E2F3: variants seen among roughly 807,000 people sequenced by gnomAD.
E2F3 encodes transcription factor E2F3.
E2F3 carries 11 observed loss-of-function variants against 44.4 expected under a neutral mutation model. That is an observed-to-expected ratio of 0.25 (90% CI 0.16 to 0.41). The LOEUF is 0.41. Among genes scored for constraint, E2F3 ranks in the 10% least tolerant of loss-of-function variants. The pLI, the probability that E2F3 is intolerant of heterozygous loss-of-function variation, is 1.00. For synonymous variants in E2F3, 249 were observed against 253.0 expected (o/e 0.98, Z 0.15); for missense variants, 487 against 583.6 (o/e 0.83, Z 1.70).
Position 20,402,323 on chromosome 6 carries a change from G to A in E2F3, c.91G>A (p.Ala31Thr), listed in dbSNP as rs778801553. 1.2e-6 allele frequency: 2 copies of A among 1,610,472 alleles called. No individual in the cohort carries two copies. The highest frequency in any genetic ancestry group is 1.1e-5 in the South Asian group (1 of 90,944). ...GGCTGTCGTCGCCGCCGCCGCTGCA[G>A]CCTCCATGGACAAAAGGGCACTGCT... ...GAAVVAAAAA[A>T]SMDKRALLAS... The change falls in exon 1 of 7, where the codon GCC becomes ACC. Residue 31 changes from alanine to threonine, a missense_variant. Physicochemically the swap from Ala to Thr is moderately conservative, Grantham distance 58. Coordinates refer to ENST00000346618, the MANE Select transcript of E2F3 (RefSeq NM_001949.5). The surrounding 1 kb of genome is among the most constrained non-coding windows in gnomAD (Gnocchi z 5.6).
intron 2 of E2F3, 68 bp from the exon 3 acceptor site, chr6:20,481,138 A>G (rs1348963681): frequency 6.8e-7 from 1 of 1,463,488 alleles, no homozygotes; most frequent in Admixed American, 1.8e-5. Context: ...GCTTGACTGC[A>G]AAGACACCCT....
chr6:20,493,440 G>C lies in E2F3; in HGVS notation c.*3010G>C, dbSNP rs568666935. 1 of 227,276 alleles carries C rather than the reference G, an allele frequency of 4.4e-6. No homozygotes were observed. The highest frequency in any genetic ancestry group is 1.8e-4 in the South Asian group (1 of 5,482). The allele number at this position is 227,276 out of a possible 1,614,324, so 14.1% of individuals were successfully genotyped here. A position where few individuals can be genotyped will look rare whatever the true frequency, so the allele number is the denominator to read the frequency against. ...AGGGTGTGGGAATTTCTTTTCCTAC[G>C]GGGTACGTGATTTTGTAAAAAGGAA... On this transcript the variant is annotated 3_prime_UTR_variant, in exon 7 of 7. Transcript: ENST00000346618.
intron 5 of E2F3, 149 bp from the exon 6 acceptor site, chr6:20,487,964 G>A: frequency 9.2e-7 from 1 of 1,090,726 alleles, no homozygotes; most frequent in South Asian, 1.5e-5. Flanking sequence ...TGCTCTAGAG[G>A]ATGACAGTCT....
chr6:20,459,133 G>A (rs1234796107), intron 1 of E2F3, among the ~76,000 whole-genome samples: 5 of 152,180 alleles, frequency 3.3e-5, no homozygotes, highest in African/African-American at 9.6e-5. Context: ...TTAGCCTAGC[G>A]TGGTGGCCGA....
rs1016205854 is a variant in E2F3 at position 20,490,073 on chromosome 6, A to G, written c.1136-95A>G. On this transcript the variant is annotated intron_variant, in intron 6 of 6. Transcript: ENST00000346618. This position sits in a 1 kb window ranked among gnomAD's most constrained non-coding sequence, Gnocchi z 4.3. ...CATTGTCATTATTTGCGGAAGGTAC[A>G]TGCTTTTTTCTAACAGCAACATATA... 4 of 1,348,038 alleles carry G rather than the reference A, an allele frequency of 3.0e-6. No homozygotes were observed. The highest frequency in any genetic ancestry group is 2.4e-5 in the Admixed American group (1 of 41,988). The allele number at this position is 1,348,038 out of a possible 1,614,324, so 83.5% of individuals were successfully genotyped here.
intron 1 of E2F3, among the ~76,000 whole-genome samples, chr6:20,431,504 T>G (rs1760399057): frequency 6.6e-6 from 1 of 152,112 alleles, no homozygotes; most frequent in Non-Finnish European, 1.5e-5. Flanking sequence ...TTGCAACCTG[T>G]GAGTCGGAGG....
At chr6:20,409,079 G>A (rs987106231) in intron 1 of E2F3, among the ~76,000 whole-genome samples, 3 of 152,178 alleles carry the variant, frequency 2.0e-5, no homozygotes, top group East Asian at 1.9e-4. Context: ...AAACCGAAAC[G>A]GGAGACTCTT....
At chr6:20,409,390 G>A (rs1437558248) in intron 1 of E2F3, among the ~76,000 whole-genome samples, 4 of 152,148 alleles carry the variant, frequency 2.6e-5, no homozygotes, top group Non-Finnish European at 4.4e-5. Flanking sequence ...TTTGATATTC[G>A]CAAATTTGTC....
At chr6:20,476,024 G>C (rs1322424915) in intron 1 of E2F3, among the ~76,000 whole-genome samples, 1 of 152,122 alleles carries the variant, frequency 6.6e-6, no homozygotes, top group Non-Finnish European at 1.5e-5. Context: ...TCTTGACTCA[G>C]CCAGTTCCAT....
intron 3 of E2F3, among the ~76,000 whole-genome samples, chr6:20,481,707 G>A (rs1405594618): frequency 6.6e-6 from 1 of 152,130 alleles, no homozygotes; most frequent in Non-Finnish European, 1.5e-5. Context: ...TTGGAAAGTG[G>A]ACTGCTGTTC....
At chr6:20,481,511 G>A (rs575713354) in intron 3 of E2F3, 86 bp downstream of exon 3, 36 of 1,159,510 alleles carry the variant, frequency 3.1e-5, no homozygotes, top group East Asian at 4.7e-5. Context: ...TCACATCCAC[G>A]CCCACACGTT....
chr6:20,453,186 G>A (rs962135222), intron 1 of E2F3, among the ~76,000 whole-genome samples: 1 of 151,810 alleles, frequency 6.6e-6, no homozygotes, highest in African/African-American at 2.4e-5. Context: ...TAGTATTTGT[G>A]GGGTTTTTTT....
At chr6:20,453,661 C>T (rs1209711474) in intron 1 of E2F3, among the ~76,000 whole-genome samples, 1 of 152,130 alleles carries the variant, frequency 6.6e-6, no homozygotes, top group African/African-American at 2.4e-5. Context: ...ATCCTACCTC[C>T]GCCTCCCAAA....
intron 1 of E2F3, among the ~76,000 whole-genome samples, chr6:20,403,207 G>A (rs1475090085): frequency 1.3e-5 from 2 of 152,016 alleles, no homozygotes; most frequent in African/African-American, 2.4e-5. Context: ...GGCTGGGGGA[G>A]GTGGAGGGGA....
intron 4 of E2F3, among the ~76,000 whole-genome samples, chr6:20,485,994 A>G (rs531476926): frequency 2.0e-5 from 3 of 152,284 alleles, no homozygotes; most frequent in African/African-American, 7.2e-5. Context: ...GGAATCTGCC[A>G]TCATTCAGTT....
At chr6:20,465,516 T>C (rs1761671894) in intron 1 of E2F3, among the ~76,000 whole-genome samples, 1 of 152,188 alleles carries the variant, frequency 6.6e-6, no homozygotes, top group South Asian at 2.1e-4. Context: ...TTTGGTTACA[T>C]GAGTAAGTTC....
intron 1 of E2F3, among the ~76,000 whole-genome samples, chr6:20,429,964 A>G (rs574114143): frequency 8.5e-5 from 13 of 152,186 alleles, no homozygotes; most frequent in Non-Finnish European, 1.5e-4. Context: ...ATAATGAGCC[A>G]TCAGTTCTAA....
intron 1 of E2F3, among the ~76,000 whole-genome samples, chr6:20,468,895 G>A (rs186771454): frequency 1.3e-5 from 2 of 152,252 alleles, no homozygotes; most frequent in Non-Finnish European, 2.9e-5. Context: ...TGTTCACCTC[G>A]GGCATCAGCA....
Position 20,485,746 on chromosome 6 carries a change from A to C in E2F3, c.885-943A>C, listed in dbSNP as rs185843590. Among the ~76,000 whole-genome samples the C allele has an allele frequency of 5.6e-4, 85 of 152,344 alleles. 1 individual carries two copies. The highest frequency in any genetic ancestry group is 3.5e-3 in the South Asian group (17 of 4,830). On this transcript the variant is annotated intron_variant, in intron 4 of 6. Transcript: ENST00000346618. ...GTTAATATAGTATCACGCAAAGCATAATTTTTCTAACAGAAATAATGACAC... is the reference window on the plus strand; with the variant it reads ...GTTAATATAGTATCACGCAAAGCATCATTTTTCTAACAGAAATAATGACAC...
Sources: gnomAD v4.1 joint callset for allele counts (sites outside exome capture counted in the v4.1 genomes callset) on GRCh38, gnomAD v4.1.1 for gene constraint, Gnocchi (gnomAD v3.1) non-coding constraint, MANE v1.5 for transcripts, NCBI Gene and HGNC (gene_info 2026-07-23, HGNC 2026-07-21) for gene names.